Variants in NID1 observed in about 807,000 individuals in gnomAD.
NID1 encodes the protein nidogen-1.
Under a neutral mutation model 130.6 loss-of-function variants are expected in NID1, and 76 were observed. The ratio of observed to expected loss-of-function variants is 0.58; its 90% confidence interval spans 0.48 to 0.70. The LOEUF (loss-of-function observed/expected upper bound fraction) is 0.70, where lower values mean the gene tolerates loss of function less well. NID1 is among the 30% of genes least tolerant of loss of function. The pLI, the probability that NID1 is intolerant of heterozygous loss-of-function variation, is 0.00. For synonymous variants in NID1, 665 were observed against 675.1 expected, an observed-to-expected ratio of 0.98 and a Z score of 0.23; for missense variants, 1,517 against 1,664.8, an observed-to-expected ratio of 0.91 and a Z score of 1.54.
intron 6 of NID1, 110 bp downstream of exon 6, chr1:236,032,291 A>G: frequency 7.3e-7 from 1 of 1,377,286 alleles, no homozygotes; most frequent in Non-Finnish European, 9.9e-7. Context: ...AGGAGCAACA[A>G]CATGCTTCTA....
At chr1:235,997,709 C>A (rs1657967443) in intron 12 of NID1, among the ~76,000 whole-genome samples, 1 of 151,060 alleles carries the variant, frequency 6.6e-6, no homozygotes, top group Non-Finnish European at 1.5e-5. Flanking sequence ...TGGGTTCAAG[C>A]AGTTCTCCTG....
In NID1 at chr1:236,010,269, T is replaced by C. The variant is rs1483545096; in HGVS notation, c.2527+1652A>G. On this transcript the variant is annotated intron_variant, in intron 12 of 19. Transcript: ENST00000264187. ...GAAGCCAGGAGTCAGCAACTTTTTC[T>C]GTCAAGAGCCCACATAGTAGGCTAT... Among the ~76,000 whole-genome samples, 5 of 151,838 alleles carry C rather than the reference T, an allele frequency of 3.3e-5. No homozygotes were observed. The East Asian group carries it at 9.6e-4, about 29-fold the overall frequency.
At chr1:236,013,280 A>G in intron 11 of NID1, 131 bp downstream of exon 11, 1 of 1,003,188 alleles carries the variant, frequency 1.0e-6, no homozygotes. Flanking sequence ...AAAGCAACAC[A>G]TTTACTCTGT....
intron 14 of NID1, among the ~76,000 whole-genome samples, chr1:235,989,861 C>A (rs1570831): frequency 0.2 from 30,796 of 152,122 alleles, 4,178 homozygotes; most frequent in East Asian, 0.63. Context: ...TGGTGTGTTC[C>A]AGGACCAGCC....
intron 9 of NID1, among the ~76,000 whole-genome samples, chr1:236,023,058 C>CAAA (rs36037520): frequency 0.22 from 30,646 of 138,096 alleles, 4,244 homozygotes; most frequent in Non-Finnish European, 0.32. Flanking sequence ...GACGCCATCT[C>CAAA]AAAAAAAAAA....
At chr1:235,981,175 G>A (rs976426067) in intron 16 of NID1, among the ~76,000 whole-genome samples, 3 of 152,196 alleles carry the variant, frequency 2.0e-5, no homozygotes, top group African/African-American at 7.2e-5. Context: ...AGAGCTTGCA[G>A]TAAGAAGGAA....
At chr1:235,984,339 G>A (rs376634580) in intron 15 of NID1, among the ~76,000 whole-genome samples, 4 of 152,302 alleles carry the variant, frequency 2.6e-5, no homozygotes, top group South Asian at 2.1e-4. Flanking sequence ...TATGTCCAAA[G>A]CCAGACATAG....
At chr1:235,997,517 AT>A (rs1485008739) in intron 12 of NID1, among the ~76,000 whole-genome samples, 3 of 152,088 alleles carry the variant, frequency 2.0e-5, no homozygotes, top group African/African-American at 4.8e-5. Context: ...ATAATAAAAA[AT>A]ATACTGTAAT....
intron 12 of NID1, among the ~76,000 whole-genome samples, chr1:236,007,610 G>A (rs1223594343): frequency 6.6e-6 from 1 of 152,156 alleles, no homozygotes; most frequent in Non-Finnish European, 1.5e-5. Context: ...TTGACTTGCT[G>A]TGGAGGGGGC....
chr1:236,024,475 G>C (rs1001660636), intron 8 of NID1, among the ~76,000 whole-genome samples: 1 of 152,182 alleles, frequency 6.6e-6, no homozygotes, highest in African/African-American at 2.4e-5. Flanking sequence ...GTGCTACCAC[G>C]GCAGAGCTGA....
At chr1:236,000,604 C>T (rs4660144) in intron 12 of NID1, among the ~76,000 whole-genome samples, 88,014 of 152,080 alleles carry the variant, frequency 0.58, 26,342 homozygotes, top group East Asian at 0.79. Context: ...CTTGGGCATA[C>T]GACATCAGGA....
At position 236,065,024 on chromosome 1, in the gene NID1, G is replaced by GGCA; in HGVS notation, c.53_55dup (p.Leu18dup). The GGCA allele has an allele frequency of 2.6e-6, 4 of 1,560,662 alleles. No individual in the cohort carries two copies. Among genetic ancestry groups the GGCA allele is most frequent in the South Asian group, 2.3e-5 (2 of 85,306 alleles). On this transcript the variant is annotated inframe_insertion, in exon 1 of 20. Coordinates refer to ENST00000264187, the MANE Select transcript of NID1 (RefSeq NM_002508.3). This position sits in a 1 kb window ranked among gnomAD's most constrained non-coding sequence, Gnocchi z 4.1. ...GCCCACAGGCCCCGCCAGCAGCAGC[G>GGCA]GCAGCAGCAGCGCCCGCGTCCACGC...
chr1:235,988,452 C>T (rs1472064270), intron 14 of NID1, among the ~76,000 whole-genome samples: 5 of 152,160 alleles, frequency 3.3e-5, no homozygotes, highest in Admixed American at 3.3e-4. Context: ...GGTACAACCA[C>T]TGTGGAAAAC....
At chr1:236,037,364 T>C (rs1017940311) in intron 5 of NID1, among the ~76,000 whole-genome samples, 3 of 152,120 alleles carry the variant, frequency 2.0e-5, no homozygotes, top group Non-Finnish European at 4.4e-5. Flanking sequence ...TAGCAACCAT[T>C]AAGATAGGTC....
At chr1:236,033,491 G>T (rs1659159752) in intron 5 of NID1, among the ~76,000 whole-genome samples, 2 of 152,132 alleles carry the variant, frequency 1.3e-5, no homozygotes, top group Non-Finnish European at 2.9e-5. Flanking sequence ...CTGAGTCTTG[G>T]AGCCTCAGCC....
At chr1:236,019,993 C>T (rs899825231) in intron 9 of NID1, among the ~76,000 whole-genome samples, 4 of 142,848 alleles carry the variant, frequency 2.8e-5, no homozygotes, top group Non-Finnish European at 6.0e-5. Flanking sequence ...GCCGAAATTG[C>T]GCCATTGTAC....
chr1:236,042,060 G>A lies in NID1; in HGVS notation c.985C>T (p.Pro329Ser), dbSNP rs746404599. The A allele has an allele frequency of 6.8e-6, 11 of 1,614,056 alleles. No homozygotes were observed. The South Asian group carries it at 1.2e-4, about 18-fold the overall frequency. The part of the protein sequence containing the change: ...RRGGADTYSV[P>S]SVLSPRRAAT... Reference sequence around the variant, plus strand: ...GCCCGGCGCGGGGAGAGGACGCTGGGCACACTGTATGTGTCAGCACCTCCC... The same window carrying A: ...GCCCGGCGCGGGGAGAGGACGCTGGACACACTGTATGTGTCAGCACCTCCC... Residue 329 changes from proline to serine, a missense_variant, in exon 4 of 20, where the codon CCC (proline) becomes TCC (serine). Coordinates refer to ENST00000264187, the MANE Select transcript of NID1 (RefSeq NM_002508.3).
At position 235,993,761 on chromosome 1, in the gene NID1, G is replaced by C. The variant is rs911258804; in HGVS notation, c.2639C>G (p.Ala880Gly). The C allele has an allele frequency of 6.2e-7, 1 of 1,613,842 alleles. No individual in the cohort carries two copies. The highest frequency in any genetic ancestry group is 1.3e-5 in the African/African-American group (1 of 74,952). The change falls in exon 13 of 20, where the codon GCG becomes GGG. Residue 880 changes from alanine (A) to glycine (G), a missense_variant. Transcript: ENST00000264187. ...CTGGGTGGGCGCGTAGTGCCCGTGC[G>C]CATCGCACTCAGGAACGAACAGCCC... ...PPGLFVPECDAHGHYAPTQCH... is the reference protein window; with the variant it reads ...PPGLFVPECDGHGHYAPTQCH...
At chr1:236,028,830 G>C (rs1659015970) in intron 7 of NID1, among the ~76,000 whole-genome samples, 1 of 152,054 alleles carries the variant, frequency 6.6e-6, no homozygotes, top group African/African-American at 2.4e-5. Context: ...ACGTAAGTTT[G>C]ATATTATTTA....
Sources: allele counts gnomAD v4.1 joint callset (sites outside exome capture counted in the v4.1 genomes callset), GRCh38; gene constraint gnomAD v4.1.1; non-coding constraint Gnocchi (gnomAD v3.1); transcripts MANE v1.5; gene names NCBI Gene and HGNC (gene_info 2026-07-23, HGNC 2026-07-21).